The following SEL1L2 variants were observed in gnomAD, a reference collection of about 807,000 sequenced individuals.
SEL1L2 encodes protein sel-1 homolog 2.
A neutral mutation model predicts 98.8 loss-of-function variants in SEL1L2; 89 were observed. The observed-to-expected ratio is 0.90, with a 90% CI of 0.76 to 1.07. SEL1L2 has a LOEUF of 1.07. Ranked by LOEUF, SEL1L2 falls within the 50% of genes least tolerant of loss-of-function variation. SEL1L2 has a pLI of 0.00. For missense variants in SEL1L2, 788 were observed against 812.0 expected, an observed-to-expected ratio of 0.97 and a Z score of 0.36; for synonymous variants, 262 against 278.5, an observed-to-expected ratio of 0.94 and a Z score of 0.59.
intron 3 of SEL1L2, among the ~76,000 whole-genome samples, chr20:13,921,498 A>G (rs1309764971): frequency 1.3e-5 from 2 of 152,076 alleles, no homozygotes; most frequent in Non-Finnish European, 2.9e-5. Context: ...CTAAAATACT[A>G]TGATATTGAT....
intron 15 of SEL1L2, among the ~76,000 whole-genome samples, chr20:13,866,274 A>G (rs577382707): frequency 1.6e-4 from 25 of 152,272 alleles, no homozygotes; most frequent in Admixed American, 1.5e-3. Flanking sequence ...TCACTTTCTC[A>G]ATTGTCATCC....
intron 1 of SEL1L2, among the ~76,000 whole-genome samples, chr20:13,959,097 C>T (rs560470998): frequency 3.9e-5 from 6 of 151,996 alleles, no homozygotes; most frequent in African/African-American, 1.2e-4. Flanking sequence ...TATGGTTGTT[C>T]GGCATTTGAA....
chr20:13,971,738 A>G (rs1379605988), intron 1 of SEL1L2, among the ~76,000 whole-genome samples: 3 of 152,040 alleles, frequency 2.0e-5, no homozygotes, highest in African/African-American at 4.8e-5. Flanking sequence ...CCTGGCTACA[A>G]TTTACATTTT....
At chr20:13,860,647 T>C (rs1341605756) in intron 17 of SEL1L2, among the ~76,000 whole-genome samples, 1 of 151,918 alleles carries the variant, frequency 6.6e-6, no homozygotes, top group Middle Eastern at 3.2e-3. Context: ...TTTTTTCTCT[T>C]TCTTCTTTTC....
At chr20:13,930,969 A>G (rs935547652) in intron 3 of SEL1L2, among the ~76,000 whole-genome samples, 2 of 152,032 alleles carry the variant, frequency 1.3e-5, no homozygotes, top group Non-Finnish European at 2.9e-5. Context: ...CGTCTCTACT[A>G]AAAATTAAAA....
At chr20:13,921,000 C>T (rs1019329103) in intron 3 of SEL1L2, among the ~76,000 whole-genome samples, 1 of 151,996 alleles carries the variant, frequency 6.6e-6, no homozygotes, top group African/African-American at 2.4e-5. Context: ...TGGAGAAAAC[C>T]TAATAATCTG....
intron 3 of SEL1L2, among the ~76,000 whole-genome samples, chr20:13,920,841 TA>T (rs1423444821): frequency 6.6e-6 from 1 of 151,982 alleles, no homozygotes; most frequent in East Asian, 1.9e-4. Flanking sequence ...ATTTAAAAAC[TA>T]AAAAAATTCT....
chr20:13,979,844 T>C (rs1054862970), intron 1 of SEL1L2, among the ~76,000 whole-genome samples: 1 of 151,830 alleles, frequency 6.6e-6, no homozygotes, highest in Non-Finnish European at 1.5e-5. Context: ...AGCAACAAAA[T>C]GAAAACAGAC....
At chr20:13,905,505 AG>A (rs2047884770) in intron 5 of SEL1L2, among the ~76,000 whole-genome samples, 1 of 151,870 alleles carries the variant, frequency 6.6e-6, no homozygotes, top group Non-Finnish European at 1.5e-5. Flanking sequence ...TAGTAGAGAC[AG>A]GGTTTCACCA....
chr20:13,920,063 T>C (rs1334004080), intron 3 of SEL1L2, among the ~76,000 whole-genome samples: 1 of 151,856 alleles, frequency 6.6e-6, no homozygotes, highest in Non-Finnish European at 1.5e-5. Context: ...ACCCTGTCTC[T>C]ACTAAAAAAT....
chr20:13,990,570 G>A lies in SEL1L2; in HGVS notation c.-36C>T, dbSNP rs372091028. On this transcript the variant is annotated 5_prime_UTR_variant, in exon 1 of 20. Transcript: ENST00000284951. Reference sequence around the variant, plus strand: ...GCAGCTTCTCTTCACTGTAACACAGGCAGAAACTAGGTGATTGGCCCAAGA... The same window carrying A: ...GCAGCTTCTCTTCACTGTAACACAGACAGAAACTAGGTGATTGGCCCAAGA... 1.0e-3 allele frequency: 1,615 copies of A among 1,538,860 alleles called. 10 individuals carry two copies. Among genetic ancestry groups the A allele is most frequent in the Middle Eastern group, 7.6e-3 (45 of 5,910 alleles).
chr20:13,922,237 A>AT (rs200201701), intron 3 of SEL1L2, among the ~76,000 whole-genome samples: 3,001 of 152,042 alleles, frequency 0.02, 46 homozygotes, highest in African/African-American at 0.04. Flanking sequence ...TTTTAATGCA[A>AT]TTTTTTTTAC....
chr20:13,936,410 G>A (rs2148345835), intron 2 of SEL1L2, among the ~76,000 whole-genome samples: 1 of 152,260 alleles, frequency 6.6e-6, no homozygotes, highest in East Asian at 1.9e-4. Context: ...ATGATAACCA[G>A]CCACAATTCT....
chr20:13,907,974 A>G (rs1182316586), intron 5 of SEL1L2, among the ~76,000 whole-genome samples: 1 of 150,478 alleles, frequency 6.6e-6, no homozygotes, highest in Non-Finnish European at 1.5e-5. Flanking sequence ...TTTTGTAAAG[A>G]TAGGGTCTTA....
At chr20:13,984,789 T>C (rs1169179617) in intron 1 of SEL1L2, among the ~76,000 whole-genome samples, 3 of 152,176 alleles carry the variant, frequency 2.0e-5, no homozygotes, top group Non-Finnish European at 2.9e-5. Flanking sequence ...TTTTTTGCTT[T>C]TAAATTTTTT....
At chr20:13,983,029 A>AAAAAAAAAAAAAAAAAAAAAAAAAAC (rs1201029470) in intron 1 of SEL1L2, among the ~76,000 whole-genome samples, 1 of 131,284 alleles carries the variant, frequency 7.6e-6, no homozygotes, top group Non-Finnish European at 1.6e-5. Context: ...ATCTCAAAAA[A>AAAAAAAAAAAAAAAAAAAAAAAAAAC]AAAAAAAAAA....
chr20:13,980,454 T>G (rs1029855826), intron 1 of SEL1L2, among the ~76,000 whole-genome samples: 1 of 152,192 alleles, frequency 6.6e-6, no homozygotes, highest in Non-Finnish European at 1.5e-5. Flanking sequence ...GTGATCCACC[T>G]GCCTCGGCCT....
intron 18 of SEL1L2, among the ~76,000 whole-genome samples, chr20:13,853,640 C>CTAT (rs1772891720): frequency 6.6e-6 from 1 of 152,168 alleles, no homozygotes; most frequent in South Asian, 2.1e-4. Context: ...ACAGGTGATA[C>CTAT]TATTAACTTC....
At chr20:13,876,320 A>G (rs2046425249) in intron 11 of SEL1L2, among the ~76,000 whole-genome samples, 1 of 152,084 alleles carries the variant, frequency 6.6e-6, no homozygotes, top group African/African-American at 2.4e-5. Context: ...AGAAAAAGTA[A>G]GAGTACCATT....
Sources: gnomAD v4.1 joint callset for allele counts (sites outside exome capture counted in the v4.1 genomes callset) on GRCh38, gnomAD v4.1.1 for gene constraint, MANE v1.5 for transcripts, NCBI Gene and HGNC (gene_info 2026-07-23, HGNC 2026-07-21) for gene names.